Variants in SLC12A3 observed in about 807,000 individuals in gnomAD.
SLC12A3 encodes solute carrier family 12 member 3.
A neutral mutation model predicts 121.0 loss-of-function variants in SLC12A3; 104 were observed. The ratio of observed to expected loss-of-function variants is 0.86; its 90% CI spans 0.73 to 1.01. The LOEUF is 1.01. Among genes scored for constraint, SLC12A3 ranks in the 50% least tolerant of loss-of-function variants. SLC12A3 has a pLI of 0.00. For missense variants in SLC12A3, 1,328 were observed against 1,356.3 expected (o/e 0.98, Z 0.33); for synonymous variants, 536 against 533.4 (o/e 1.00, Z -0.07).
chr16:56,878,571 G>T (rs1417922373), intron 9 of SLC12A3, among the ~76,000 whole-genome samples: 1 of 152,098 alleles, frequency 6.6e-6, no homozygotes, highest in Non-Finnish European at 1.5e-5. Flanking sequence ...TTTCACCAAG[G>T]AGAAAATGGG....
At chr16:56,912,158 C>T (rs2055694614) in intron 25 of SLC12A3, among the ~76,000 whole-genome samples, 1 of 152,230 alleles carries the variant, frequency 6.6e-6, no homozygotes, top group Admixed American at 6.5e-5. Flanking sequence ...GGAAAACAGA[C>T]ACTCAAGTGA....
chr16:56,879,322 G>A (rs1398364195), intron 10 of SLC12A3, 95 bp downstream of exon 10: 11 of 1,525,470 alleles, frequency 7.2e-6, no homozygotes, highest in Non-Finnish European at 9.9e-6. Flanking sequence ...GGGGGACATA[G>A]TTTTGGGGGT....
chr16:56,910,748 G>T (rs1377935303), intron 25 of SLC12A3, among the ~76,000 whole-genome samples: 1 of 152,224 alleles, frequency 6.6e-6, no homozygotes, highest in African/African-American at 2.4e-5. Flanking sequence ...AGTGGGAATT[G>T]CATCTGGAGC....
intron 10 of SLC12A3, 73 bp from the exon 11 acceptor site, chr16:56,879,469 G>A (rs1239987638): frequency 4.6e-6 from 6 of 1,303,788 alleles, no homozygotes; most frequent in Non-Finnish European, 6.6e-6. Context: ...CCGCAGTAGG[G>A]AATGAAGTGC....
chr16:56,888,572 T>TTG (rs1490200538), intron 18 of SLC12A3, among the ~76,000 whole-genome samples: 6 of 145,328 alleles, frequency 4.1e-5, no homozygotes, highest in Non-Finnish European at 7.5e-5. Context: ...TTTTTTTTTT[T>TTG]TTTTGAGACG....
At position 56,872,365 on chromosome 16, in the gene SLC12A3, C is replaced by G. The variant is rs369075765; in HGVS notation, c.867C>G (p.Phe289Leu). 4 of 1,613,970 alleles carry G rather than the reference C, an allele frequency of 2.5e-6. No individual in the cohort carries two copies. Among genetic ancestry groups the G allele is most frequent in the Non-Finnish European group, 2.5e-6 (3 of 1,179,936 alleles). The change falls in exon 7 of 26, where the codon TTC (phenylalanine) becomes TTG (leucine). Residue 289 changes from phenylalanine (F) to leucine (L), a missense_variant. Coordinates refer to ENST00000563236, the MANE Select transcript of SLC12A3 (RefSeq NM_001126108.2). ...MEWESKAQVL[F>L]FLVIMVSFAN... ...GCCCCCTCCAGGCCCAGGTGCTGTT[C>G]TTCCTTGTCATCATGGTCTCCTTTG...
Position 56,867,178 on chromosome 16 carries a change from G to A in SLC12A3, c.391G>A (p.Glu131Lys), listed in dbSNP as rs199745548. 1.1e-5 allele frequency: 18 copies of A among 1,613,704 alleles called. No homozygotes were observed. The East Asian group carries it at 1.8e-4, about 16-fold the overall frequency. Residue 131 changes from glutamate to lysine, a missense_variant, in exon 2 of 26, where the codon GAG (glutamate) becomes AAG (lysine). Glu to Lys is a moderately conservative substitution (Grantham distance 56). Transcript: ENST00000563236. Reference protein sequence around the residue: ...EAGTSSEKNPEEPVRFGWVKG... With the variant: ...EAGTSSEKNPKEPVRFGWVKG... ...AGGCACCAGCAGCGAGAAGAACCCC[G>A]AGGAGCCAGTGCGCTTCGGCTGGGT...
intron 24 of SLC12A3, among the ~76,000 whole-genome samples, chr16:56,903,047 G>A (rs2055560293): frequency 6.6e-6 from 1 of 151,974 alleles, no homozygotes; most frequent in Non-Finnish European, 1.5e-5. Flanking sequence ...TACTCGGGAG[G>A]CTGAGGCAGG....
rs751725614 is a variant in SLC12A3, at chr16:56,870,644, G to A, written c.760G>A (p.Val254Met). ...TCCCCAGGAGTATGGGGCACCCATC[G>A]TGGACCCCATTAACGACATCCGCAT... is the stretch of plus-strand genomic sequence containing the variant. ...DLLQEYGAPI[V>M]DPINDIRIIA... The change falls in exon 6 of 26, where the codon GTG (valine) becomes ATG (methionine). Residue 254 changes from valine to methionine, a missense_variant. Transcript: ENST00000563236. 38 of 1,611,924 alleles carry A rather than the reference G, an allele frequency of 2.4e-5. No homozygotes were observed. Among genetic ancestry groups the A allele is most frequent in the East Asian group, 2.2e-4 (10 of 44,868 alleles).
intron 6 of SLC12A3, 82 bp downstream of exon 6, chr16:56,870,818 C>T: frequency 5.3e-6 from 4 of 758,390 alleles, no homozygotes; most frequent in Non-Finnish European, 2.3e-6. Flanking sequence ...CTCCCTGGTC[C>T]TCTGCCTTTT....
intron 8 of SLC12A3, 52 bp from the exon 9 acceptor site, chr16:56,878,025 T>TCCCTCCCTCTCTCCCTCCCG (rs2055186152): frequency 1.5e-6 from 1 of 651,164 alleles, no homozygotes. Context: ...CCTCCGTCCC[T>TCCCTCCCTCTCTCCCTCCCG]CCCTCCCTCT....
chr16:56,866,488 C>G (rs530705213), intron 1 of SLC12A3, among the ~76,000 whole-genome samples: 5 of 152,318 alleles, frequency 3.3e-5, no homozygotes, highest in African/African-American at 1.2e-4. Context: ...TTTCAAGACC[C>G]AGCCCTCCAG....
At chr16:56,897,523 A>G (rs1192001329) in intron 22 of SLC12A3, among the ~76,000 whole-genome samples, 1 of 152,198 alleles carries the variant, frequency 6.6e-6, no homozygotes, top group Non-Finnish European at 1.5e-5. Flanking sequence ...CACCCCCACT[A>G]AGAACTTTCT....
intron 22 of SLC12A3, among the ~76,000 whole-genome samples, chr16:56,897,198 G>T (rs1012875837): frequency 6.6e-6 from 1 of 152,208 alleles, no homozygotes; most frequent in Non-Finnish European, 1.5e-5. Flanking sequence ...GATGTCGGCA[G>T]GTGGAATTGG....
At position 56,913,440 on chromosome 16, in the gene SLC12A3, G is replaced by A. The variant is rs377712216; in HGVS notation, c.*35G>A. 2 of 1,610,852 alleles carry A rather than the reference G, an allele frequency of 1.2e-6. No individual in the cohort carries two copies. Among genetic ancestry groups the A allele is most frequent in the Non-Finnish European group, 1.7e-6 (2 of 1,176,928 alleles). ...TTGACATCCCTGTCCACAGCTCTGA[G>A]TGTGTGGGATAAGTTGGAACTTGAT... On this transcript the variant is annotated 3_prime_UTR_variant, in exon 26 of 26. Coordinates refer to ENST00000563236, the MANE Select transcript of SLC12A3 (RefSeq NM_001126108.2).
intron 1 of SLC12A3, 125 bp downstream of exon 1, chr16:56,865,642 T>G (rs914723755): frequency 5.9e-5 from 62 of 1,046,302 alleles, no homozygotes; most frequent in Admixed American, 1.4e-4. Flanking sequence ...TCTTCCTGGG[T>G]TGAGAGGCCC....
chr16:56,885,272 T>C lies in SLC12A3; in HGVS notation c.1833T>C (p.Asn611=), dbSNP rs368198835. ...LYVIYKKPEV[N]WGSSVQAGSY... ...GCTCCCTTGCTCTCCCAGAGGTAAA[T>C]TGGGGCTCCTCGGTACAGGCTGGCT... The change falls in exon 15 of 26, where the codon AAT becomes AAC. Residue 611 remains asparagine (N), a synonymous_variant. Transcript: ENST00000563236. 6.1e-5 allele frequency: 95 copies of C among 1,551,588 alleles called. 1 individual carries two copies. Among genetic ancestry groups the C allele is most frequent in the African/African-American group, 4.8e-4 (35 of 73,176 alleles).
At chr16:56,873,708 ATTTT>A (rs398038206) in intron 8 of SLC12A3, among the ~76,000 whole-genome samples, 1 of 125,424 alleles carries the variant, frequency 8.0e-6, no homozygotes, top group Admixed American at 8.1e-5. Context: ...ATTTTATTTT[ATTTT>A]TTTTTTTTTG....
At chr16:56,867,934 T>C (rs753839825) in intron 2 of SLC12A3, among the ~76,000 whole-genome samples, 2 of 152,224 alleles carry the variant, frequency 1.3e-5, no homozygotes, top group Non-Finnish European at 2.9e-5. Context: ...TGGCATTTGC[T>C]GAGCTCCCTG....
Sources: allele counts gnomAD v4.1 joint callset (sites outside exome capture counted in the v4.1 genomes callset), GRCh38; gene constraint gnomAD v4.1.1; transcripts MANE v1.5; gene names NCBI Gene and HGNC (gene_info 2026-07-23, HGNC 2026-07-21).